Variants in LRMDA observed in about 807,000 individuals in gnomAD.
LRMDA encodes leucine-rich melanocyte differentiation-associated protein.
LRMDA carries 18 observed loss-of-function variants against 29.8 expected under a neutral mutation model. The observed-to-expected ratio is 0.60, with a 90% CI of 0.42 to 0.90. The LOEUF is 0.90. Among genes scored for constraint, LRMDA ranks in the 40% least tolerant of loss-of-function variants. LRMDA has a pLI of 0.00. For missense variants in LRMDA, 273 were observed against 273.9 expected, an observed-to-expected ratio of 1.00 and a Z score of 0.02; for synonymous variants, 125 against 109.4, an observed-to-expected ratio of 1.14 and a Z score of -0.89.
chr10:75,962,062 G>C (rs1846777727), intron 2 of LRMDA, among the ~76,000 whole-genome samples: 2 of 152,178 alleles, frequency 1.3e-5, no homozygotes, highest in African/African-American at 2.4e-5. Flanking sequence ...TTAGAGGCCT[G>C]CCCTACTCCA....
chr10:75,813,486 G>A (rs989401033), intron 2 of LRMDA, among the ~76,000 whole-genome samples: 2 of 152,102 alleles, frequency 1.3e-5, no homozygotes, highest in Non-Finnish European at 2.9e-5. Flanking sequence ...TTGAACCATC[G>A]CTTCACACTT....
chr10:76,065,263 T>C (rs1848764684), intron 5 of LRMDA, among the ~76,000 whole-genome samples: 1 of 152,252 alleles, frequency 6.6e-6, no homozygotes, highest in Admixed American at 6.5e-5. Context: ...CTCTGTAGCC[T>C]TGCATTTGGG....
chr10:75,873,692 T>C (rs1845149693), intron 2 of LRMDA, among the ~76,000 whole-genome samples: 1 of 152,180 alleles, frequency 6.6e-6, no homozygotes, highest in East Asian at 1.9e-4. Context: ...AATACAAAAG[T>C]GCATAATTAT....
chr10:75,896,627 A>G (rs1189061153), intron 2 of LRMDA, among the ~76,000 whole-genome samples: 1 of 152,180 alleles, frequency 6.6e-6, no homozygotes, highest in East Asian at 1.9e-4. Context: ...CAAAGTGACT[A>G]TGAAGATTTG....
intron 5 of LRMDA, among the ~76,000 whole-genome samples, chr10:76,188,115 C>T (rs963478491): frequency 1.3e-5 from 2 of 152,170 alleles, no homozygotes; most frequent in Non-Finnish European, 2.9e-5. Context: ...CTGCCAGTCT[C>T]CTGCTTTCAT....
At chr10:75,493,352 T>TGG (rs1845009281) in intron 2 of LRMDA, among the ~76,000 whole-genome samples, 6 of 97,200 alleles carry the variant, frequency 6.2e-5, no homozygotes, top group Admixed American at 3.0e-4. Flanking sequence ...AGATTGGGTG[T>TGG]GTGTGTGTGT....
chr10:75,825,429 G>A (rs1344109113), intron 2 of LRMDA, among the ~76,000 whole-genome samples: 1 of 152,170 alleles, frequency 6.6e-6, no homozygotes, highest in African/African-American at 2.4e-5. Flanking sequence ...CACACATGGT[G>A]TATTTCTGCT....
chr10:76,440,402 C>T (rs527683826), intron 6 of LRMDA, among the ~76,000 whole-genome samples: 120 of 152,298 alleles, frequency 7.9e-4, no homozygotes, highest in African/African-American at 2.8e-3. Flanking sequence ...TATTACTTCT[C>T]ACCCCAAAAT....
chr10:75,860,400 C>A (rs986410913), intron 2 of LRMDA, among the ~76,000 whole-genome samples: 4 of 145,044 alleles, frequency 2.8e-5, no homozygotes, highest in Non-Finnish European at 6.0e-5. Context: ...CTGCTCACTG[C>A]AACCTCTGCC....
chr10:76,203,110 C>T (rs1851463671), intron 5 of LRMDA, among the ~76,000 whole-genome samples: 2 of 152,186 alleles, frequency 1.3e-5, no homozygotes, highest in African/African-American at 2.4e-5. Flanking sequence ...TGCCAGAGAG[C>T]ATGAGTACTT....
chr10:76,198,165 A>T (rs1851364606), intron 5 of LRMDA, among the ~76,000 whole-genome samples: 1 of 152,344 alleles, frequency 6.6e-6, no homozygotes, highest in Admixed American at 6.5e-5. Context: ...CAGTTAGAGC[A>T]GTGCTCCTGG....
intron 2 of LRMDA, among the ~76,000 whole-genome samples, chr10:75,816,655 A>C (rs1386309051): frequency 6.6e-6 from 1 of 152,230 alleles, no homozygotes; most frequent in Non-Finnish European, 1.5e-5. Flanking sequence ...TCTTATTGTA[A>C]GTAACAGAAG....
rs573531857 is a variant in LRMDA at position 76,156,600 on chromosome 10, C to G, written c.516+97817C>G. Among the ~76,000 whole-genome samples, 49 of 152,162 alleles carry G rather than the reference C, an allele frequency of 3.2e-4. 1 individual carries two copies. Among genetic ancestry groups the G allele is most frequent in the African/African-American group, 1.1e-3 (45 of 41,506 alleles). The stretch of plus-strand genomic sequence containing the variant: ...ATGGGCTTAACCAACATTCACAGAC[C>G]AACTCCATGCCTGGCAGTCCCTGAG... On this transcript the variant is annotated intron_variant, in intron 5 of 6. Coordinates refer to ENST00000611255, the MANE Select transcript of LRMDA (RefSeq NM_001305581.2).
At chr10:76,260,852 A>C (rs1474613951) in intron 5 of LRMDA, 1 of 152,170 alleles carries the variant, frequency 6.6e-6, no homozygotes, top group East Asian at 1.9e-4. Flanking sequence ...GGGCCATGCT[A>C]ATCTTCTCTG....
At chr10:75,469,960 A>G (rs1225498604) in intron 2 of LRMDA, among the ~76,000 whole-genome samples, 3 of 152,040 alleles carry the variant, frequency 2.0e-5, no homozygotes, top group Non-Finnish European at 4.4e-5. Flanking sequence ...ACCCTGAATC[A>G]GCAATAGGAA....
rs202201972 is a variant in LRMDA, at chr10:76,334,801, CA to C, written c.601+10318del. ...GTTGCTGTTTCTTCAATCAGTCACT[CA>C]ACCATGGTTTTCATGAGAGCCGTAA... On this transcript the variant is annotated intron_variant, in intron 6 of 6. Coordinates refer to ENST00000611255, the MANE Select transcript of LRMDA (RefSeq NM_001305581.2). Among the ~76,000 whole-genome samples, 1,474 of 152,238 alleles carry C rather than the reference CA, an allele frequency of 9.7e-3. 18 individuals are homozygous for C. Among genetic ancestry groups the C allele is most frequent in the African/African-American group, 0.022 (917 of 41,542 alleles).
At position 76,368,533 on chromosome 10, in the gene LRMDA, T is replaced by G. The variant is rs1275834565; in HGVS notation, c.601+44048T>G. Among the ~76,000 whole-genome samples, 18 of 152,212 alleles carry G rather than the reference T, an allele frequency of 1.2e-4. No individual in the cohort carries two copies. The South Asian group carries it at 2.1e-3, about 18-fold the overall frequency. The stretch of plus-strand genomic sequence containing the variant: ...TTTATGGTCTGTCATATGGTCTATC[T>G]TGGAGAAAGTTCCATGCATTGTTGA... On this transcript the variant is annotated intron_variant, in intron 6 of 6. Coordinates refer to ENST00000611255, the MANE Select transcript of LRMDA (RefSeq NM_001305581.2).
intron 6 of LRMDA, among the ~76,000 whole-genome samples, chr10:76,433,407 A>T (rs570278602): frequency 4.3e-4 from 65 of 152,290 alleles, no homozygotes; most frequent in African/African-American, 1.6e-3. Flanking sequence ...GGCACAGACC[A>T]CTTAGCAGGC....
chr10:75,506,716 A>C (rs182629952), intron 2 of LRMDA, among the ~76,000 whole-genome samples: 21 of 152,352 alleles, frequency 1.4e-4, no homozygotes, highest in Admixed American at 2.6e-4. Context: ...GCCGGTGCCC[A>C]GTGACCATGA....
Sources: allele counts gnomAD v4.1 joint callset (sites outside exome capture counted in the v4.1 genomes callset), GRCh38; gene constraint gnomAD v4.1.1; transcripts MANE v1.5; gene names NCBI Gene and HGNC (gene_info 2026-07-23, HGNC 2026-07-21).